Variants in TENM1 observed in about 807,000 individuals in gnomAD.
TENM1 encodes teneurin transmembrane protein 1, also known as teneurin-1.
A neutral mutation model predicts 174.8 loss-of-function variants in TENM1; 35 were observed. That is an observed-to-expected ratio of 0.20 (90% confidence interval 0.15 to 0.27). The LOEUF (loss-of-function observed/expected upper bound fraction) is 0.27. Among genes scored for constraint, TENM1 ranks in the 10% least tolerant of loss-of-function variants. TENM1 has a pLI of 1.00. For missense variants in TENM1, 1,633 were observed against 2,130.1 expected, an observed-to-expected ratio of 0.77 and a Z score of 4.59; for synonymous variants, 781 against 798.7, an observed-to-expected ratio of 0.98 and a Z score of 0.37.
At chrX:124,537,674 G>T (rs1246485946) in intron 15 of TENM1, among the ~76,000 whole-genome samples, 3 of 112,022 alleles carry the variant, frequency 2.7e-5, no homozygotes, top group Non-Finnish European at 3.8e-5. Flanking sequence ...TAGTGGAGAT[G>T]AGCTATAGCA....
intron 3 of TENM1, among the ~76,000 whole-genome samples, chrX:124,783,819 A>G (rs983615825): frequency 4.4e-5 from 5 of 112,494 alleles, no homozygotes; most frequent in Non-Finnish European, 9.4e-5. Flanking sequence ...ACATAAAAAA[A>G]TAGGGAACAG....
At chrX:124,870,612 T>C (rs189636637) in intron 3 of TENM1, among the ~76,000 whole-genome samples, 1 of 109,281 alleles carries the variant, frequency 9.2e-6, no homozygotes, top group Non-Finnish European at 1.9e-5. Flanking sequence ...AGTAGAGGAG[T>C]CAGCCACAGT....
intron 15 of TENM1, among the ~76,000 whole-genome samples, chrX:124,532,400 G>A (rs959286191): frequency 7.2e-5 from 8 of 111,699 alleles, no homozygotes; most frequent in African/African-American, 2.3e-4. Context: ...GAAGGTCCAA[G>A]CTGGTGAGTG....
At chrX:124,993,155 T>C in the TENM1 span, among the ~76,000 whole-genome samples, 8 of 111,403 alleles carry the variant, frequency 7.2e-5, no homozygotes, top group East Asian at 1.4e-3. Context: ...TCTCATTAAA[T>C]AAATCATGGA....
the TENM1 span, among the ~76,000 whole-genome samples, chrX:125,032,553 C>A: frequency 8.1e-5 from 9 of 111,374 alleles, no homozygotes; most frequent in African/African-American, 2.6e-4. Flanking sequence ...TGGAAGTAAA[C>A]TGTTGATTAT....
At chrX:124,648,302 G>A (rs2051211887) in intron 8 of TENM1, among the ~76,000 whole-genome samples, 1 of 112,315 alleles carries the variant, frequency 8.9e-6, no homozygotes, top group African/African-American at 3.2e-5. Flanking sequence ...TCCATTTGGG[G>A]GATTCTTAAA....
At chrX:124,819,217 C>A (rs1418914715) in intron 3 of TENM1, among the ~76,000 whole-genome samples, 3 of 111,822 alleles carry the variant, frequency 2.7e-5, no homozygotes, top group Non-Finnish European at 3.8e-5. Flanking sequence ...GAATTTCAAA[C>A]CATCTGGGTG....
intron 3 of TENM1, among the ~76,000 whole-genome samples, chrX:124,757,250 C>A (rs1408068258): frequency 2.7e-5 from 3 of 112,475 alleles, no homozygotes; most frequent in Non-Finnish European, 5.6e-5. Flanking sequence ...TCTCAGACTG[C>A]TGTGCTAGCA....
chrX:124,850,859 A>G (rs904392307), intron 3 of TENM1, among the ~76,000 whole-genome samples: 1 of 111,373 alleles, frequency 9.0e-6, no homozygotes, highest in Non-Finnish European at 1.9e-5. Context: ...ATGCATTTTG[A>G]CCGATTTTAT....
At chrX:124,877,078 A>G (rs2057216831) in intron 3 of TENM1, among the ~76,000 whole-genome samples, 1 of 112,540 alleles carries the variant, frequency 8.9e-6, no homozygotes, top group South Asian at 3.6e-4. Flanking sequence ...GTTAAATTCC[A>G]GAATCAATAA....
intron 3 of TENM1, among the ~76,000 whole-genome samples, chrX:124,860,542 A>G (rs2056892916): frequency 9.0e-6 from 1 of 111,462 alleles, no homozygotes; most frequent in African/African-American, 3.3e-5. Flanking sequence ...AAACCTCGCT[A>G]AGGACTAAAA....
At chrX:124,483,552 G>T in intron 21 of TENM1, among the ~76,000 whole-genome samples, 1 of 112,156 alleles carries the variant, frequency 8.9e-6, no homozygotes, top group African/African-American at 3.2e-5. Context: ...TTGTTTTCCA[G>T]TCTGCTCACT....
At chrX:124,391,839 A>C (rs2060285267) in intron 28 of TENM1, among the ~76,000 whole-genome samples, 1 of 112,094 alleles carries the variant, frequency 8.9e-6, no homozygotes, top group Non-Finnish European at 1.9e-5. Context: ...TTAGTCTGAA[A>C]GAGTACTTGG....
the TENM1 span, among the ~76,000 whole-genome samples, chrX:125,172,321 A>AC: frequency 0.021 from 2,048 of 99,205 alleles, 28 homozygotes; most frequent in Middle Eastern, 0.039. Flanking sequence ...ATTCAACCTC[A>AC]CCCCCCCCCA....
At chrX:124,804,497 C>T (rs1019297365) in intron 3 of TENM1, among the ~76,000 whole-genome samples, 6 of 111,831 alleles carry the variant, frequency 5.4e-5, no homozygotes, top group Non-Finnish European at 9.4e-5. Context: ...GTTCTACTAT[C>T]CTATGATATT....
At chrX:124,800,753 CT>C (rs1402395445) in intron 3 of TENM1, among the ~76,000 whole-genome samples, 1 of 111,632 alleles carries the variant, frequency 9.0e-6, no homozygotes, top group African/African-American at 3.3e-5. Context: ...ATAAATTTCC[CT>C]CTTAACACTG....
chrX:125,160,801 G>A, the TENM1 span, among the ~76,000 whole-genome samples: 2 of 109,556 alleles, frequency 1.8e-5, no homozygotes, highest in South Asian at 7.7e-4. Flanking sequence ...TATAGAGGAT[G>A]TAGAGAAATT....
chrX:124,955,480 T>C (rs372299996), intron 1 of TENM1, among the ~76,000 whole-genome samples: 1 of 111,639 alleles, frequency 9.0e-6, no homozygotes, highest in Non-Finnish European at 1.9e-5. Flanking sequence ...TTGGCTTATG[T>C]GATACTCATT....
chrX:125,096,018 T>C, the TENM1 span, among the ~76,000 whole-genome samples: 1 of 112,053 alleles, frequency 8.9e-6, no homozygotes, highest in African/African-American at 3.2e-5. Context: ...TCAGAATCAA[T>C]GGGTGATGGT....
Sources: allele counts gnomAD v4.1 joint callset (sites outside exome capture counted in the v4.1 genomes callset), GRCh38; gene constraint gnomAD v4.1.1; transcripts MANE v1.5; gene names NCBI Gene and HGNC (gene_info 2026-07-23, HGNC 2026-07-21).